EYS: variants seen among roughly 807,000 people sequenced by gnomAD.
EYS encodes the protein EGF-like photoreceptor maintenance factor.
In EYS, 250 loss-of-function variants were observed where a neutral mutation model predicts 282.1. The observed-to-expected ratio is 0.89, with a 90% CI of 0.80 to 0.98. The LOEUF is 0.98. Among genes scored for constraint, EYS ranks in the 50% least tolerant of loss-of-function variants. EYS has a pLI of 0.00. For synonymous variants in EYS, 1,355 were observed against 1,282.9 expected (o/e 1.06, Z -1.20); for missense variants, 4,016 against 3,709.0 (o/e 1.08, Z -2.15).
chr6:65,013,050 T>C lies in EYS; in HGVS notation c.2138-15347A>G, dbSNP rs78365637. Among the ~76,000 whole-genome samples, 251 of 152,218 alleles carry C rather than the reference T, an allele frequency of 1.6e-3. 4 individuals carry two copies. The East Asian group carries it at 0.034, about 21-fold the overall frequency. On this transcript the variant is annotated intron_variant, in intron 13 of 42. Coordinates refer to ENST00000503581, the MANE Select transcript of EYS (RefSeq NM_001142800.2). The stretch of plus-strand genomic sequence containing the variant: ...CAAAGTTTTTGTGAAATAATGGAAA[T>C]TGCATTGAACAAACATCTACTCATG...
intron 12 of EYS, among the ~76,000 whole-genome samples, chr6:65,177,340 G>A (rs566887817): frequency 1.7e-3 from 265 of 151,920 alleles, no homozygotes; most frequent in East Asian, 5.9e-4. Flanking sequence ...TTGAGGAATA[G>A]TTCATGGCAT....
chr6:65,110,262 C>G (rs997390843), intron 12 of EYS, among the ~76,000 whole-genome samples: 1 of 152,046 alleles, frequency 6.6e-6, no homozygotes, highest in African/African-American at 2.4e-5. Context: ...TTTAATGACC[C>G]GTAACTATGT....
chr6:63,926,033 T>C (rs1380026223), intron 35 of EYS, among the ~76,000 whole-genome samples: 1 of 152,176 alleles, frequency 6.6e-6, no homozygotes, highest in East Asian at 1.9e-4. Flanking sequence ...TTCCCTTCCT[T>C]GTGTCCATGT....
At position 64,639,252 on chromosome 6, in the gene EYS, A is replaced by G. The variant is rs2149869107; in HGVS notation, c.3444-13007T>C. On this transcript the variant is annotated intron_variant, in intron 22 of 42. Transcript: ENST00000503581. ...CTAACTTACCTTAATTACCTCTTTA[A>G]GAGACCTGTCTCCAGTCACAACCTT... Among the ~76,000 whole-genome samples, 2 of 90,854 alleles carry G rather than the reference A, an allele frequency of 2.2e-5. 1 individual carries two copies. Among genetic ancestry groups the G allele is most frequent in the African/African-American group, 8.5e-5 (2 of 23,540 alleles). The allele number at this position is 90,854 out of a possible 152,430, so 59.6% of individuals were successfully genotyped here.
rs2485431 is a variant in EYS at position 64,542,630 on chromosome 6, A to C, written c.5644+47593T>G. On this transcript the variant is annotated intron_variant, in intron 26 of 42. Coordinates refer to ENST00000503581, the MANE Select transcript of EYS (RefSeq NM_001142800.2). Reference sequence around the variant, plus strand: ...CAAAACTGAGATTAAAGCAATGCTCAATTTTACATTTAAGATGAATAAAGT... The same window carrying C: ...CAAAACTGAGATTAAAGCAATGCTCCATTTTACATTTAAGATGAATAAAGT... 7.5e-3 allele frequency among the ~76,000 whole-genome samples: 1,136 copies of C among 152,186 alleles called. 17 individuals carry two copies. The highest frequency in any genetic ancestry group is 0.026 in the African/African-American group (1,065 of 41,544).
chr6:64,892,087 G>C (rs1441193824), intron 18 of EYS, among the ~76,000 whole-genome samples: 1 of 151,796 alleles, frequency 6.6e-6, no homozygotes, highest in African/African-American at 2.4e-5. Context: ...AGATAAGGAA[G>C]AGTAACTATA....
chr6:65,355,873 C>A (rs1189780563), intron 8 of EYS, among the ~76,000 whole-genome samples: 1 of 151,986 alleles, frequency 6.6e-6, no homozygotes, highest in Non-Finnish European at 1.5e-5. Flanking sequence ...TTATGCCCTG[C>A]TGATAGGAAT....
intron 22 of EYS, among the ~76,000 whole-genome samples, chr6:64,758,759 T>C (rs1182039366): frequency 6.6e-6 from 1 of 152,198 alleles, no homozygotes; most frequent in African/African-American, 2.4e-5. Context: ...ATTTTTGTTT[T>C]ATTAAATAAA....
intron 22 of EYS, among the ~76,000 whole-genome samples, chr6:64,748,361 G>C (rs1343609943): frequency 6.6e-6 from 1 of 152,178 alleles, no homozygotes; most frequent in Non-Finnish European, 1.5e-5. Context: ...CACAGACAGG[G>C]TGAGGAGGAA....
intron 35 of EYS, among the ~76,000 whole-genome samples, chr6:63,893,762 C>A (rs572659676): frequency 6.6e-6 from 1 of 152,212 alleles, no homozygotes; most frequent in African/African-American, 2.4e-5. Context: ...GGGGAGTCAT[C>A]AGTCCAAGCT....
chr6:64,484,867 G>A (rs77225040), intron 26 of EYS, among the ~76,000 whole-genome samples: 2,961 of 151,534 alleles, frequency 0.02, 89 homozygotes, highest in African/African-American at 0.068. Flanking sequence ...GGACATTTAC[G>A]GAATTAGGGC....
intron 12 of EYS, among the ~76,000 whole-genome samples, chr6:65,160,639 T>G (rs1303974931): frequency 6.6e-6 from 1 of 150,914 alleles, no homozygotes; most frequent in Non-Finnish European, 1.5e-5. Context: ...ATTTCAATAT[T>G]TTCCAAGCTC....
chr6:65,193,505 T>C (rs772937628), intron 12 of EYS, among the ~76,000 whole-genome samples: 9 of 151,842 alleles, frequency 5.9e-5, no homozygotes, highest in Non-Finnish European at 1.5e-5. Context: ...GTATAAGTGA[T>C]GATGCCATTT....
chr6:64,707,848 T>C (rs1219372318), intron 22 of EYS, among the ~76,000 whole-genome samples: 1 of 151,942 alleles, frequency 6.6e-6, no homozygotes, highest in Non-Finnish European at 1.5e-5. Flanking sequence ...TTATGAGGTC[T>C]TGTTAAAGCA....
At chr6:64,504,013 A>C (rs186387838) in intron 26 of EYS, among the ~76,000 whole-genome samples, 55 of 152,226 alleles carry the variant, frequency 3.6e-4, no homozygotes, top group African/African-American at 1.2e-3. Context: ...ATGTTTCCTG[A>C]GGGCTCCCAG....
intron 23 of EYS, among the ~76,000 whole-genome samples, chr6:64,624,245 T>C (rs1373674718): frequency 6.6e-6 from 1 of 151,906 alleles, no homozygotes. Context: ...GAATCCAGAG[T>C]AGTGGAATCA....
chr6:64,638,760 G>A (rs112241260), intron 22 of EYS, among the ~76,000 whole-genome samples: 1,393 of 90,256 alleles, frequency 0.015, 514 homozygotes, highest in Non-Finnish European at 0.025. Flanking sequence ...CTTTTCCTCT[G>A]GGTTTTTTGA....
chr6:64,179,989 A>G (rs1396564185), intron 31 of EYS, among the ~76,000 whole-genome samples: 1 of 152,134 alleles, frequency 6.6e-6, no homozygotes, highest in African/African-American at 2.4e-5. Context: ...GGAAGACGTT[A>G]TCAGATCTGA....
At chr6:64,704,109 C>T (rs1770889864) in intron 22 of EYS, among the ~76,000 whole-genome samples, 1 of 151,634 alleles carries the variant, frequency 6.6e-6, no homozygotes, top group South Asian at 2.1e-4. Context: ...AAATATTTCG[C>T]AATAACAAAA....
Sources: allele counts gnomAD v4.1 joint callset (sites outside exome capture counted in the v4.1 genomes callset), GRCh38; gene constraint gnomAD v4.1.1; transcripts MANE v1.5; gene names NCBI Gene and HGNC (gene_info 2026-07-23, HGNC 2026-07-21).